TRAPPC9: variants seen among roughly 807,000 people sequenced by gnomAD.
TRAPPC9 encodes trafficking protein particle complex subunit 9.
In TRAPPC9, 83 loss-of-function variants were observed where a neutral mutation model predicts 124.0. The ratio of observed to expected loss-of-function variants is 0.67; its 90% confidence interval spans 0.56 to 0.80. The LOEUF (loss-of-function observed/expected upper bound fraction) is 0.80, where lower values mean the gene tolerates loss of function less well. TRAPPC9 is among the 30% of genes least tolerant of loss of function. TRAPPC9 has a pLI of 0.00. For synonymous variants in TRAPPC9, 638 were observed against 617.5 expected (o/e 1.03, Z -0.49); for missense variants, 1,302 against 1,508.3 (o/e 0.86, Z 2.27).
chr8:139,778,176 C>T (rs1821528053), intron 21 of TRAPPC9, among the ~76,000 whole-genome samples: 1 of 152,140 alleles, frequency 6.6e-6, no homozygotes, highest in African/African-American at 2.4e-5. Context: ...CACACACACA[C>T]ACACCCATCA....
chr8:140,146,157 A>C (rs755514099), intron 17 of TRAPPC9, among the ~76,000 whole-genome samples: 1 of 152,284 alleles, frequency 6.6e-6, no homozygotes, highest in Non-Finnish European at 1.5e-5. Context: ...AACTTTTTTC[A>C]AGGACAAAGA....
intron 6 of TRAPPC9, among the ~76,000 whole-genome samples, chr8:140,400,631 G>A (rs1037372584): frequency 2.0e-5 from 3 of 152,146 alleles, no homozygotes; most frequent in Non-Finnish European, 2.9e-5. Context: ...AAAAGCCTTC[G>A]TGGAATTTCA....
chr8:140,299,900 T>C (rs1003829937), intron 11 of TRAPPC9, among the ~76,000 whole-genome samples: 4 of 152,120 alleles, frequency 2.6e-5, no homozygotes, highest in African/African-American at 9.7e-5. Flanking sequence ...CATAACACGA[T>C]TACCTCACCC....
intron 20 of TRAPPC9, among the ~76,000 whole-genome samples, chr8:139,895,905 G>A (rs1486449352): frequency 6.6e-6 from 1 of 152,244 alleles, no homozygotes; most frequent in African/African-American, 2.4e-5. Flanking sequence ...CGTGCCTGCA[G>A]AGCAGAGACC....
chr8:139,762,944 A>G (rs1361712972), intron 21 of TRAPPC9, among the ~76,000 whole-genome samples: 3 of 152,192 alleles, frequency 2.0e-5, no homozygotes, highest in Non-Finnish European at 4.4e-5. Flanking sequence ...GCCACTGCAC[A>G]TGCCCTGCAC....
chr8:140,037,879 A>AACACACACACACAC (rs10560088), intron 17 of TRAPPC9, among the ~76,000 whole-genome samples: 2 of 90,690 alleles, frequency 2.2e-5, no homozygotes, highest in African/African-American at 6.6e-5. Context: ...ACACACCTCC[A>AACACACACACACAC]ACACACACAC....
At chr8:140,383,631 T>C (rs1220156075) in intron 7 of TRAPPC9, among the ~76,000 whole-genome samples, 1 of 152,018 alleles carries the variant, frequency 6.6e-6, no homozygotes, top group Non-Finnish European at 1.5e-5. Context: ...TAAAAAGAAA[T>C]GAACAAAGCC....
chr8:140,225,905 C>T (rs1053699701), intron 16 of TRAPPC9, among the ~76,000 whole-genome samples: 20 of 152,324 alleles, frequency 1.3e-4, no homozygotes, highest in African/African-American at 4.8e-4. Flanking sequence ...GCTTTTATCT[C>T]CTGAAGGACC....
intron 5 of TRAPPC9, among the ~76,000 whole-genome samples, chr8:140,420,989 C>T (rs894747239): frequency 1.3e-5 from 2 of 152,120 alleles, no homozygotes; most frequent in Non-Finnish European, 2.9e-5. Context: ...AAATTCCTAG[C>T]GTTTTGGGAG....
chr8:140,233,968 T>G (rs1330993527), intron 16 of TRAPPC9, among the ~76,000 whole-genome samples: 1 of 152,154 alleles, frequency 6.6e-6, no homozygotes, highest in African/African-American at 2.4e-5. Flanking sequence ...TGCTTATCCC[T>G]CTCACTAGAC....
chr8:140,458,453 C>A, upstream of TRAPPC9: 2 of 1,573,484 alleles, frequency 1.3e-6, no homozygotes, highest in Non-Finnish European at 1.7e-6. Context: ...GCGCGCGCGG[C>A]CTGGGAGCGC....
At chr8:140,402,814 G>T (rs1410703171) in intron 6 of TRAPPC9, among the ~76,000 whole-genome samples, 1 of 152,026 alleles carries the variant, frequency 6.6e-6, no homozygotes, top group Non-Finnish European at 1.5e-5. Context: ...AAGTTAATAT[G>T]TGAAAGTATT....
At chr8:140,198,124 C>A (rs12114233) in intron 17 of TRAPPC9, among the ~76,000 whole-genome samples, 2,523 of 152,298 alleles carry the variant, frequency 0.017, 67 homozygotes, top group African/African-American at 0.057. Context: ...TAAAAGAGAT[C>A]TAACTTAACT....
intron 15 of TRAPPC9, among the ~76,000 whole-genome samples, chr8:140,266,942 C>A (rs983692293): frequency 6.6e-6 from 1 of 152,140 alleles, no homozygotes; most frequent in Non-Finnish European, 1.5e-5. Flanking sequence ...AAAGCCCCAA[C>A]GACAGTCTAG....
intron 21 of TRAPPC9, among the ~76,000 whole-genome samples, chr8:139,810,305 G>A (rs1052621433): frequency 4.6e-5 from 7 of 152,278 alleles, no homozygotes; most frequent in Admixed American, 3.9e-4. Flanking sequence ...GAGGGTTCAC[G>A]AAGCAGGAGC....
intron 17 of TRAPPC9, among the ~76,000 whole-genome samples, chr8:140,214,018 A>G (rs763086654): frequency 1.4e-4 from 21 of 152,172 alleles, no homozygotes; most frequent in Admixed American, 1.4e-3. Flanking sequence ...CCACATCTCT[A>G]TGCAGCTCTG....
chr8:140,205,353 G>A (rs552813487), intron 17 of TRAPPC9, among the ~76,000 whole-genome samples: 1 of 152,090 alleles, frequency 6.6e-6, no homozygotes, highest in African/African-American at 2.4e-5. Flanking sequence ...TTTTTGCTTT[G>A]TAAGAACAAG....
At chr8:140,238,131 G>A (rs1054175188) in intron 16 of TRAPPC9, among the ~76,000 whole-genome samples, 7 of 152,212 alleles carry the variant, frequency 4.6e-5, no homozygotes, top group African/African-American at 1.7e-4. Context: ...GGAAAGGGCA[G>A]TAATGAGAAC....
rs1303558185 is a variant in TRAPPC9, at chr8:139,825,725, C to G, written c.3055+60154G>C. 6.6e-6 allele frequency among the ~76,000 whole-genome samples: 1 copy of G among 152,126 alleles called. No individual in the cohort carries two copies. The highest frequency in any genetic ancestry group is 1.5e-5 in the Non-Finnish European group (1 of 68,030). ...ATCAGACGCCCCGTGGAGGATACCGCCGAGCAGCCAGCTTGCCCGGAAGGA... is the reference window on the plus strand; with the variant it reads ...ATCAGACGCCCCGTGGAGGATACCGGCGAGCAGCCAGCTTGCCCGGAAGGA... On this transcript the variant is annotated intron_variant, in intron 21 of 22. Coordinates refer to ENST00000438773, the MANE Select transcript of TRAPPC9 (RefSeq NM_001160372.4). The surrounding 1 kb of genome is among the most constrained non-coding windows in gnomAD (Gnocchi z 4.6).
Sources: allele counts gnomAD v4.1 joint callset (sites outside exome capture counted in the v4.1 genomes callset), GRCh38; gene constraint gnomAD v4.1.1; non-coding constraint Gnocchi (gnomAD v3.1); transcripts MANE v1.5; gene names NCBI Gene and HGNC (gene_info 2026-07-23, HGNC 2026-07-21).